RERE: variants seen among roughly 807,000 people sequenced by gnomAD.
RERE encodes arginine-glutamic acid dipeptide repeats protein.
A neutral mutation model predicts 146.1 loss-of-function variants in RERE; 40 were observed. The ratio of observed to expected loss-of-function variants is 0.27; its 90% CI spans 0.21 to 0.36. The LOEUF is 0.36. Among genes scored for constraint, RERE ranks in the 10% least tolerant of loss-of-function variants. The pLI is 1.00. For missense variants in RERE, 1,933 were observed against 2,138.7 expected, an observed-to-expected ratio of 0.90 and a Z score of 1.90; for synonymous variants, 1,003 against 866.0, an observed-to-expected ratio of 1.16 and a Z score of -2.78.
At chr1:8,655,832 A>T in intron 2 of RERE, 141 bp downstream of exon 2, 2 of 1,451,584 alleles carry the variant, frequency 1.4e-6, no homozygotes. Context: ...AAAGTGGGTC[A>T]CATGTTTACC....
At chr1:8,501,003 T>C (rs1466081294) in intron 8 of RERE, among the ~76,000 whole-genome samples, 3 of 97,552 alleles carry the variant, frequency 3.1e-5, no homozygotes, top group Non-Finnish European at 6.2e-5. Context: ...GTGAGGAGCG[T>C]CTCCGCCCGG....
At position 8,404,595 on chromosome 1, in the gene RERE, A is replaced by T. The variant is rs181131245; in HGVS notation, c.1284+18132T>A. 2.0e-5 allele frequency among the ~76,000 whole-genome samples: 3 copies of T among 152,340 alleles called. No homozygotes were observed. The East Asian group carries it at 5.8e-4, about 29-fold the overall frequency. On this transcript the variant is annotated intron_variant, in intron 12 of 22. Coordinates refer to ENST00000400908, the MANE Select transcript of RERE (RefSeq NM_001042681.2). ...TTTCAAATCACCCTACGTTTTTAAA[A>T]GCAGAGTGTCCCACAGATTCTAATC...
chr1:8,801,927 G>T (rs990940295), intron 1 of RERE, among the ~76,000 whole-genome samples: 1 of 152,050 alleles, frequency 6.6e-6, no homozygotes, highest in African/African-American at 2.4e-5. Flanking sequence ...TTATGCAGTT[G>T]TTTTCAAAAA....
At chr1:8,570,735 A>C (rs1052977336) in intron 4 of RERE, among the ~76,000 whole-genome samples, 44 of 152,358 alleles carry the variant, frequency 2.9e-4, no homozygotes, top group Middle Eastern at 3.4e-3. Flanking sequence ...TCTGAGATGA[A>C]GTCGACAAGC....
chr1:8,513,970 T>A (rs904196055), intron 7 of RERE, among the ~76,000 whole-genome samples: 1 of 152,252 alleles, frequency 6.6e-6, no homozygotes, highest in South Asian at 2.1e-4. Context: ...ATTGGTTTTA[T>A]AGAGAATGTC....
intron 12 of RERE, among the ~76,000 whole-genome samples, chr1:8,409,444 G>GT (rs1191025307): frequency 6.6e-6 from 1 of 152,216 alleles, no homozygotes; most frequent in Non-Finnish European, 1.5e-5. Context: ...GAGCAGCACT[G>GT]TTTTGGGGAG....
chr1:8,496,894 C>CT (rs1645053807), intron 9 of RERE, among the ~76,000 whole-genome samples: 1 of 152,154 alleles, frequency 6.6e-6, no homozygotes, highest in African/African-American at 2.4e-5. Context: ...TTAAATTTTA[C>CT]TTTAAGGTCC....
intron 2 of RERE, among the ~76,000 whole-genome samples, chr1:8,637,351 G>A (rs758237005): frequency 4.6e-5 from 7 of 152,262 alleles, no homozygotes; most frequent in South Asian, 2.1e-4. Context: ...CAGGTGGATG[G>A]TGTCTGCTGG....
intron 11 of RERE, among the ~76,000 whole-genome samples, chr1:8,443,856 TGC>T (rs2124018889): frequency 6.6e-6 from 1 of 152,070 alleles, no homozygotes; most frequent in Admixed American, 6.5e-5. Context: ...GTGTACAGAG[TGC>T]AAGAGTGATG....
At chr1:8,707,776 T>C (rs1290238011) in intron 1 of RERE, among the ~76,000 whole-genome samples, 1 of 152,204 alleles carries the variant, frequency 6.6e-6, no homozygotes, top group East Asian at 1.9e-4. Context: ...TATGTCCGCA[T>C]AGGATGCTAG....
At chr1:8,607,686 G>C (rs916711490) in intron 4 of RERE, among the ~76,000 whole-genome samples, 1 of 146,266 alleles carries the variant, frequency 6.8e-6, no homozygotes, top group Non-Finnish European at 1.5e-5. Context: ...GCTGGTACTA[G>C]AGCCTGGTAC....
Position 8,508,677 on chromosome 1 carries a change from T to TG in RERE, c.831-3dup. ...TCCCCCTGGGTACTGTTCAGCCTCC[T>TG]GGAACAGAAATAGAGCAGATTAAGT... On this transcript the variant is annotated splice_region_variant and splice_polypyrimidine_tract_variant and intron_variant, in intron 7 of 22. Transcript: ENST00000400908. The TG allele has an allele frequency of 6.2e-7, 1 of 1,611,788 alleles. No individual in the cohort carries two copies. Among genetic ancestry groups the TG allele is most frequent in the Middle Eastern group, 1.7e-4 (1 of 6,058 alleles).
chr1:8,503,721 G>A (rs1244939072), intron 8 of RERE, among the ~76,000 whole-genome samples: 1 of 152,102 alleles, frequency 6.6e-6, no homozygotes, highest in East Asian at 1.9e-4. Flanking sequence ...TACACCAAAT[G>A]GAAAGAAATG....
At chr1:8,358,118 C>T (rs1557582136) in intron 20 of RERE, 78 bp downstream of exon 20, 1 of 1,520,980 alleles carries the variant, frequency 6.6e-7, no homozygotes. Context: ...GTTTCCGCTC[C>T]TGGATGGTGA....
At chr1:8,530,679 C>CTTTTTTTTTGTTTTTTTTTTTT (rs1645633027) in intron 7 of RERE, among the ~76,000 whole-genome samples, 1 of 96,950 alleles carries the variant, frequency 1.0e-5, no homozygotes, top group African/African-American at 4.0e-5. Context: ...TTTTCGTTTT[C>CTTTTTTTTTGTTTTTTTTTTTT]TTTTTTTTTT....
chr1:8,459,945 C>G (rs183927720), intron 11 of RERE, among the ~76,000 whole-genome samples: 15 of 152,270 alleles, frequency 9.9e-5, no homozygotes, highest in African/African-American at 3.4e-4. Flanking sequence ...AACCCTTCCC[C>G]TATATTGTGG....
intron 17 of RERE, 56 bp from the exon 18 acceptor site, chr1:8,361,546 C>A: frequency 6.3e-7 from 1 of 1,585,520 alleles, no homozygotes; most frequent in Non-Finnish European, 8.6e-7. Flanking sequence ...CCTGTCTGCT[C>A]TGCACCACCA....
intron 1 of RERE, among the ~76,000 whole-genome samples, chr1:8,689,870 C>A (rs754831656): frequency 1.3e-5 from 2 of 152,008 alleles, no homozygotes; most frequent in Non-Finnish European, 2.9e-5. Context: ...ACACTTGCAT[C>A]TCATTTTGTG....
chr1:8,409,206 G>A (rs1643544186), intron 12 of RERE, among the ~76,000 whole-genome samples: 1 of 152,186 alleles, frequency 6.6e-6, no homozygotes, highest in African/African-American at 2.4e-5. Context: ...TTTGAGAAGA[G>A]GAATGGCCAA....
Sources: gnomAD v4.1 joint callset for allele counts (sites outside exome capture counted in the v4.1 genomes callset) on GRCh38, gnomAD v4.1.1 for gene constraint, MANE v1.5 for transcripts, NCBI Gene and HGNC (gene_info 2026-07-23, HGNC 2026-07-21) for gene names.